Variants in PCDHGA2 observed in about 807,000 individuals in gnomAD.
The protein encoded by PCDHGA2 is protocadherin gamma-A2.
Under a neutral mutation model 59.2 loss-of-function variants are expected in PCDHGA2, and 40 were observed. That is an observed-to-expected ratio of 0.68 (90% CI 0.52 to 0.88). The LOEUF is 0.88. PCDHGA2 is among the 40% of genes least tolerant of loss of function. The probability of loss-of-function intolerance (pLI) is 0.00; values close to 1 mark genes in which losing one functional copy is unlikely to be tolerated. For missense variants in PCDHGA2, 1,226 were observed against 1,204.0 expected (o/e 1.02, Z -0.27); for synonymous variants, 560 against 526.0 (o/e 1.06, Z -0.89).
chr5:141,435,855 G>A (rs1164301394), intron 1 of PCDHGA2, among the ~76,000 whole-genome samples: 1 of 152,006 alleles, frequency 6.6e-6, no homozygotes, highest in Non-Finnish European at 1.5e-5. Flanking sequence ...AGATACAATA[G>A]TTAAAACCCA....
At chr5:141,359,367 A>T (rs1214745002) in intron 1 of PCDHGA2, among the ~76,000 whole-genome samples, 1 of 152,144 alleles carries the variant, frequency 6.6e-6, no homozygotes, top group African/African-American at 2.4e-5. Flanking sequence ...GGCCTAGGAA[A>T]GCAGTAGATA....
intron 1 of PCDHGA2, among the ~76,000 whole-genome samples, chr5:141,488,675 T>C (rs888235928): frequency 2.6e-5 from 4 of 152,116 alleles, no homozygotes; most frequent in Admixed American, 1.3e-4. Flanking sequence ...TACATGGGCT[T>C]TGCCTCTCCC....
chr5:141,473,776 T>C (rs1026169931), intron 1 of PCDHGA2, among the ~76,000 whole-genome samples: 1 of 152,214 alleles, frequency 6.6e-6, no homozygotes, highest in Non-Finnish European at 1.5e-5. Context: ...TTTGGTATTT[T>C]AATTCAAGAG....
chr5:141,491,034 T>A lies in PCDHGA2; in HGVS notation c.2425-3773T>A. On this transcript the variant is annotated intron_variant, in intron 1 of 3. Coordinates refer to ENST00000394576, the MANE Select transcript of PCDHGA2 (RefSeq NM_018915.4). This position sits in a 1 kb window ranked among gnomAD's most constrained non-coding sequence, Gnocchi z 6.9. ...CCAAGGTGACAGCCGTGGATGCTGA[T>A]GCAGGCCACAATGCGTGGCTCTCCT... 1 of 1,614,170 alleles carries A rather than the reference T, an allele frequency of 6.2e-7. No individual in the cohort carries two copies. Among genetic ancestry groups the A allele is most frequent in the African/African-American group, 1.3e-5 (1 of 75,074 alleles).
chr5:141,382,945 C>A, intron 1 of PCDHGA2: 1 of 1,597,008 alleles, frequency 6.3e-7, no homozygotes, highest in Non-Finnish European at 8.6e-7. Flanking sequence ...ATTCTTCCTG[C>A]TCTCCATCCT....
At position 141,341,112 on chromosome 5, in the gene PCDHGA2, A is replaced by T. The variant is rs753766084; in HGVS notation, c.2141A>T (p.His714Leu). Residue 714 changes from histidine (H) to leucine (L), a missense_variant, in exon 1 of 4, where the codon CAC (histidine) becomes CTC (leucine). Transcript: ENST00000394576. ...GCCTTCGTCATCGTGTTGCTGGCGC[A>T]CAGGCTGCGGCGCTGGCACAAGTCA... ...FLAFVIVLLA[H>L]RLRRWHKSRL... 51 of 1,613,952 alleles carry T rather than the reference A, an allele frequency of 3.2e-5. No individual in the cohort carries two copies. Among genetic ancestry groups the T allele is most frequent in the South Asian group, 9.9e-5 (9 of 91,042 alleles).
At chr5:141,451,170 A>G (rs960062747) in intron 1 of PCDHGA2, among the ~76,000 whole-genome samples, 8 of 152,148 alleles carry the variant, frequency 5.3e-5, no homozygotes, top group East Asian at 3.9e-4. Flanking sequence ...GTAGTATATT[A>G]TTTAGCCATT....
intron 1 of PCDHGA2, chr5:141,409,289 G>A: frequency 1.2e-6 from 2 of 1,613,976 alleles, no homozygotes; most frequent in Middle Eastern, 1.6e-4. Context: ...TTCACCTCCA[G>A]GAATGGTTGT....
chr5:141,480,651 C>T (rs780138971), intron 1 of PCDHGA2, among the ~76,000 whole-genome samples: 1 of 152,174 alleles, frequency 6.6e-6, no homozygotes, highest in African/African-American at 2.4e-5. Flanking sequence ...CTTGGTTGCA[C>T]ATTAAAATCA....
intron 1 of PCDHGA2, among the ~76,000 whole-genome samples, chr5:141,347,844 T>C (rs1758028527): frequency 6.6e-6 from 1 of 152,102 alleles, no homozygotes; most frequent in South Asian, 2.1e-4. Flanking sequence ...GCCTGTTACA[T>C]ATGCCTAATG....
intron 2 of PCDHGA2, among the ~76,000 whole-genome samples, chr5:141,498,847 C>T (rs932801278): frequency 1.3e-5 from 2 of 151,856 alleles, no homozygotes; most frequent in Admixed American, 1.3e-4. Flanking sequence ...GCAGGGGAAT[C>T]GCTTGAACCC....
chr5:141,447,078 G>A (rs531206989), intron 1 of PCDHGA2, among the ~76,000 whole-genome samples: 5 of 152,018 alleles, frequency 3.3e-5, no homozygotes, highest in Non-Finnish European at 7.4e-5. Context: ...TTTAATTTTT[G>A]TTGTTTAATT....
chr5:141,428,492 A>C (rs2097142759), intron 1 of PCDHGA2: 1 of 307,660 alleles, frequency 3.3e-6, no homozygotes. Flanking sequence ...TGCAATCTGT[A>C]TGTTCCCTCG....
intron 1 of PCDHGA2, chr5:141,478,450 AGCCAGTCCACTGGCCAGCC>A (rs1562070520): frequency 6.2e-7 from 1 of 1,613,572 alleles, no homozygotes. Context: ...AACCTGGTGC[AGCCAGTCCACTGGCCAGCC>A]GCCAGAACAC....
Position 141,405,224 on chromosome 5 carries a change from T to C in PCDHGA2, c.2424+63829T>C, listed in dbSNP as rs542102197. Reference sequence around the variant, plus strand: ...CCTACAGACCTATTCTCAGGAGTTCTCCCTCACCGCTGACTCAAGGAAGAG... The same window carrying C: ...CCTACAGACCTATTCTCAGGAGTTCCCCCTCACCGCTGACTCAAGGAAGAG... On this transcript the variant is annotated intron_variant, in intron 1 of 3. Coordinates refer to ENST00000394576, the MANE Select transcript of PCDHGA2 (RefSeq NM_018915.4). The C allele has an allele frequency of 2.6e-5, 42 of 1,614,036 alleles. No homozygotes were observed. The African/African-American group carries it at 4.7e-4, about 18-fold the overall frequency.
At chr5:141,468,836 A>G (rs1286137807) in intron 1 of PCDHGA2, among the ~76,000 whole-genome samples, 1 of 152,170 alleles carries the variant, frequency 6.6e-6, no homozygotes, top group East Asian at 1.9e-4. Flanking sequence ...ACTGCACTCC[A>G]GCCTGGGCAA....
At chr5:141,357,729 T>C (rs1760716343) in intron 1 of PCDHGA2, 1 of 1,365,476 alleles carries the variant, frequency 7.3e-7, no homozygotes, top group Non-Finnish European at 9.8e-7. Flanking sequence ...CCTCTTTTAA[T>C]ATTTTATTGC....
chr5:141,486,456 C>G lies in PCDHGA2; in HGVS notation c.2425-8351C>G. ...AGCTATGACATCATGGTCACTGCTT[C>G]TGATGCTGGGAACCCTCCTCTCAGT... is the stretch of plus-strand genomic sequence containing the variant. On this transcript the variant is annotated intron_variant, in intron 1 of 3. Transcript: ENST00000394576. The surrounding 1 kb of genome is among the most constrained non-coding windows in gnomAD (Gnocchi z 5.0). The G allele has an allele frequency of 1.9e-6, 3 of 1,614,052 alleles. No homozygotes were observed. In the South Asian group the frequency reaches 3.3e-5, roughly 18 times the overall value.
intron 1 of PCDHGA2, chr5:141,394,467 G>C (rs558211393): frequency 3.1e-6 from 5 of 1,614,120 alleles, no homozygotes; most frequent in African/African-American, 1.3e-5. Context: ...GAGCCTGTTC[G>C]TGCTGGACCA....
Sources: allele counts gnomAD v4.1 joint callset (sites outside exome capture counted in the v4.1 genomes callset), GRCh38; gene constraint gnomAD v4.1.1; non-coding constraint Gnocchi (gnomAD v3.1); transcripts MANE v1.5; gene names NCBI Gene and HGNC (gene_info 2026-07-23, HGNC 2026-07-21).